NYAP2: variants seen among roughly 807,000 people sequenced by gnomAD.
NYAP2 encodes the protein neuronal tyrosine-phosphorylated phosphoinositide-3-kinase adapter 2.
In NYAP2, 23 loss-of-function variants were observed where a neutral mutation model predicts 50.4. That is an observed-to-expected ratio of 0.46 (90% CI 0.33 to 0.65). The LOEUF is 0.65. Ranked by LOEUF, NYAP2 falls within the 30% of genes least tolerant of loss-of-function variation. The pLI, the probability that NYAP2 is intolerant of heterozygous loss-of-function variation, is 0.02. For missense variants in NYAP2, 885 were observed against 861.0 expected, an observed-to-expected ratio of 1.03 and a Z score of -0.35; for synonymous variants, 394 against 365.2, an observed-to-expected ratio of 1.08 and a Z score of -0.90.
the NYAP2 span, among the ~76,000 whole-genome samples, chr2:225,665,807 TA>T: frequency 7.3e-3 from 154 of 20,978 alleles, no homozygotes; most frequent in African/African-American, 0.024. Flanking sequence ...AGCCTCCGTC[TA>T]AAAAAAAAAA....
At chr2:225,514,498 G>A (rs1033785734) in intron 4 of NYAP2, among the ~76,000 whole-genome samples, 2 of 152,080 alleles carry the variant, frequency 1.3e-5, no homozygotes, top group African/African-American at 4.8e-5. Flanking sequence ...GCTCTGTTGG[G>A]GCCCACTTCC....
intron 4 of NYAP2, among the ~76,000 whole-genome samples, chr2:225,551,084 T>C (rs1691666157): frequency 6.6e-6 from 1 of 152,202 alleles, no homozygotes; most frequent in Non-Finnish European, 1.5e-5. Context: ...GGGTCTTACT[T>C]TTCATATTTC....
At chr2:225,693,339 T>C in the NYAP2 span, among the ~76,000 whole-genome samples, 1 of 151,984 alleles carries the variant, frequency 6.6e-6, no homozygotes, top group Non-Finnish European at 1.5e-5. Context: ...TTTCTCATGA[T>C]TAGAGTGGAG....
At chr2:225,652,216 TTGAC>T (rs765515280) in exon 7 of NYAP2, 4 of 152,100 alleles carry the variant, frequency 2.6e-5, no homozygotes, top group Admixed American at 6.6e-5. Flanking sequence ...GCCAGACAAA[TTGAC>T]TGGCCAGATA....
At chr2:225,679,493 G>GT in the NYAP2 span, among the ~76,000 whole-genome samples, 68,887 of 103,968 alleles carry the variant, frequency 0.66, 24,332 homozygotes, top group South Asian at 0.8. Context: ...GCTTCTAATT[G>GT]TTTTTTTTTT....
intron 3 of NYAP2, among the ~76,000 whole-genome samples, chr2:225,512,860 C>T (rs753740612): frequency 0.39 from 34,570 of 88,012 alleles, 5,452 homozygotes; most frequent in African/African-American, 0.48. Flanking sequence ...TTTCTTCCTT[C>T]CTTCCTTCCT....
At chr2:225,671,995 T>C in the NYAP2 span, among the ~76,000 whole-genome samples, 1 of 152,106 alleles carries the variant, frequency 6.6e-6, no homozygotes, top group South Asian at 2.1e-4. Flanking sequence ...CACACTTTTT[T>C]TTTTCATTTC....
chr2:225,695,606 CT>C, the NYAP2 span, among the ~76,000 whole-genome samples: 1 of 151,600 alleles, frequency 6.6e-6, no homozygotes, highest in Non-Finnish European at 1.5e-5. Context: ...AGCCTGTCCT[CT>C]GGGAATTCTG....
intron 3 of NYAP2, among the ~76,000 whole-genome samples, chr2:225,423,512 GT>G (rs747395487): frequency 1.3e-4 from 20 of 152,264 alleles, no homozygotes; most frequent in Non-Finnish European, 2.5e-4. Flanking sequence ...TTGATGGCAT[GT>G]ATGAACTATT....
At position 225,651,547 on chromosome 2, in the gene NYAP2, G is replaced by C; in HGVS notation, c.1944G>C (p.Ser648=). The C allele has an allele frequency of 1.9e-6, 3 of 1,613,910 alleles. No individual in the cohort carries two copies. The highest frequency in any genetic ancestry group is 2.5e-6 in the Non-Finnish European group (3 of 1,179,854). Residue 648 remains serine, a synonymous_variant, in exon 7 of 7, where the codon TCG becomes TCC. Coordinates refer to ENST00000636099, the Ensembl canonical transcript of NYAP2. ...TGCAACAGAGCCAGGTACCATCATC[G>C]TTAGCCAATCGTGATTGACTTCCTG...
chr2:225,428,935 C>T (rs947627000), intron 3 of NYAP2, among the ~76,000 whole-genome samples: 1 of 152,118 alleles, frequency 6.6e-6, no homozygotes, highest in Non-Finnish European at 1.5e-5. Context: ...TGATTTAGTG[C>T]TTATTATATA....
At chr2:225,548,343 T>C (rs1691618859) in intron 4 of NYAP2, among the ~76,000 whole-genome samples, 1 of 149,198 alleles carries the variant, frequency 6.7e-6, no homozygotes, top group African/African-American at 2.5e-5. Context: ...ATACGCAAAA[T>C]TCTTTCTGAT....
chr2:225,457,747 T>G (rs1405298681), intron 3 of NYAP2, among the ~76,000 whole-genome samples: 1 of 152,172 alleles, frequency 6.6e-6, no homozygotes, highest in African/African-American at 2.4e-5. Flanking sequence ...ATGTAATTCA[T>G]TATTATGTTA....
At chr2:225,679,607 G>C in the NYAP2 span, among the ~76,000 whole-genome samples, 4 of 142,068 alleles carry the variant, frequency 2.8e-5, no homozygotes, top group Admixed American at 3.1e-4. Flanking sequence ...CTATTCTCCT[G>C]CCTCAGCCTC....
At chr2:225,669,852 G>A in the NYAP2 span, among the ~76,000 whole-genome samples, 1 of 152,174 alleles carries the variant, frequency 6.6e-6, no homozygotes, top group African/African-American at 2.4e-5. Flanking sequence ...CAAAGGGCAA[G>A]AAGGTTAAAT....
intron 3 of NYAP2, among the ~76,000 whole-genome samples, chr2:225,451,056 A>G (rs1366290561): frequency 6.6e-6 from 1 of 152,218 alleles, no homozygotes; most frequent in Non-Finnish European, 1.5e-5. Context: ...AGTAAAACGC[A>G]TAAATTACTA....
chr2:225,660,494 C>T, the NYAP2 span, among the ~76,000 whole-genome samples: 1 of 139,394 alleles, frequency 7.2e-6, no homozygotes, highest in Non-Finnish European at 1.5e-5. Context: ...ATTCCACATA[C>T]CAGTTTTAAA....
At chr2:225,563,125 C>T (rs919128001) in intron 4 of NYAP2, among the ~76,000 whole-genome samples, 1 of 152,064 alleles carries the variant, frequency 6.6e-6, no homozygotes, top group African/African-American at 2.4e-5. Flanking sequence ...GGAGCTGGGG[C>T]TCCAGAAGTG....
intron 3 of NYAP2, among the ~76,000 whole-genome samples, chr2:225,479,148 G>A (rs927219548): frequency 6.6e-6 from 1 of 152,090 alleles, no homozygotes; most frequent in African/African-American, 2.4e-5. Flanking sequence ...GATTGAAAAA[G>A]GAACAGGAGA....
Sources: allele counts gnomAD v4.1 joint callset (sites outside exome capture counted in the v4.1 genomes callset), GRCh38; gene constraint gnomAD v4.1.1; transcripts MANE v1.5; gene names NCBI Gene and HGNC (gene_info 2026-07-23, HGNC 2026-07-21).